VSNL1: variants seen among roughly 807,000 people sequenced by gnomAD.
VSNL1 encodes visinin like 1.
In VSNL1, 6 loss-of-function variants were observed where a neutral mutation model predicts 20.4. The observed-to-expected ratio is 0.29, with a 90% CI of 0.16 to 0.58. VSNL1 has a LOEUF of 0.58. Among genes scored for constraint, VSNL1 ranks in the 20% least tolerant of loss-of-function variants. The pLI is 0.90. For synonymous variants in VSNL1, 93 were observed against 86.4 expected (o/e 1.08, Z -0.42); for missense variants, 100 against 234.5 (o/e 0.43, Z 3.75).
intron 2 of VSNL1, among the ~76,000 whole-genome samples, chr2:17,596,855 T>G (rs936703996): frequency 1.3e-5 from 2 of 152,198 alleles, no homozygotes; most frequent in African/African-American, 4.8e-5. Context: ...GTGGAAATAA[T>G]AAGACCCGTT....
In VSNL1 at chr2:17,649,850, G is replaced by T. The variant is rs576792901; in HGVS notation, c.378+225G>T. Among the ~76,000 whole-genome samples, 1 of 152,194 alleles carries T rather than the reference G, an allele frequency of 6.6e-6. No homozygotes were observed. The highest frequency in any genetic ancestry group is 6.5e-5 in the Admixed American group (1 of 15,290). On this transcript the variant is annotated intron_variant, in intron 3 of 3. Coordinates refer to ENST00000295156, the MANE Select transcript of VSNL1 (RefSeq NM_003385.5). The surrounding 1 kb of genome is among the most constrained non-coding windows in gnomAD (Gnocchi z 6.4). ...TGTCGTGACGGTGGCATTGTCATCTGCCATTCACTCACTACTGGATCTCCC... is the reference window on the plus strand; with the variant it reads ...TGTCGTGACGGTGGCATTGTCATCTTCCATTCACTCACTACTGGATCTCCC...
intron 3 of VSNL1, among the ~76,000 whole-genome samples, chr2:17,654,267 T>C (rs189709396): frequency 5.3e-5 from 8 of 152,356 alleles, no homozygotes; most frequent in African/African-American, 1.9e-4. Context: ...GAATTAATTG[T>C]ATACAGTTAG....
intron 2 of VSNL1, among the ~76,000 whole-genome samples, chr2:17,604,776 G>A (rs1433048099): frequency 6.6e-6 from 1 of 152,198 alleles, no homozygotes; most frequent in Non-Finnish European, 1.5e-5. Flanking sequence ...GTGTTTTTAG[G>A]GACCAGTGCA....
chr2:17,557,079 C>T (rs1663700632), intron 1 of VSNL1, among the ~76,000 whole-genome samples: 1 of 151,946 alleles, frequency 6.6e-6, no homozygotes, highest in Admixed American at 6.6e-5. Flanking sequence ...CATCTCTTTG[C>T]CAAGGACTCT....
At chr2:17,651,814 CT>C (rs1275714469) in intron 3 of VSNL1, among the ~76,000 whole-genome samples, 1 of 152,194 alleles carries the variant, frequency 6.6e-6, no homozygotes, top group Non-Finnish European at 1.5e-5. Context: ...CATTTTCCTG[CT>C]TCGTGACACG....
chr2:17,579,315 CTG>C (rs1017473647), intron 1 of VSNL1, among the ~76,000 whole-genome samples: 2 of 152,108 alleles, frequency 1.3e-5, no homozygotes, highest in African/African-American at 4.8e-5. Context: ...CGGGGTTTCA[CTG>C]TGTTATCCAG....
intron 2 of VSNL1, among the ~76,000 whole-genome samples, chr2:17,622,459 C>G (rs1295495567): frequency 6.9e-6 from 1 of 145,568 alleles, no homozygotes; most frequent in East Asian, 2.0e-4. Flanking sequence ...GATCGCGCCA[C>G]TACACTCCAG....
chr2:17,544,072 A>T (rs1172730492), intron 1 of VSNL1, among the ~76,000 whole-genome samples: 1 of 152,200 alleles, frequency 6.6e-6, no homozygotes, highest in Non-Finnish European at 1.5e-5. Flanking sequence ...TTAGGAAAGG[A>T]GGAGCTTGAT....
chr2:17,585,635 G>A (rs1664453477), intron 1 of VSNL1, among the ~76,000 whole-genome samples: 1 of 151,784 alleles, frequency 6.6e-6, no homozygotes, highest in Admixed American at 6.6e-5. Flanking sequence ...GTGGGGGGAT[G>A]GGCTTCTCAT....
intron 2 of VSNL1, among the ~76,000 whole-genome samples, chr2:17,618,477 A>G (rs1450423537): frequency 6.6e-6 from 1 of 152,168 alleles, no homozygotes; most frequent in African/African-American, 2.4e-5. Context: ...GTTCATCTGG[A>G]TAATCCAGAA....
At chr2:17,605,974 T>C (rs919902452) in intron 2 of VSNL1, among the ~76,000 whole-genome samples, 1 of 152,380 alleles carries the variant, frequency 6.6e-6, no homozygotes, top group Middle Eastern at 3.4e-3. Context: ...CCAAGCACTC[T>C]GCATATATTA....
chr2:17,566,533 A>G (rs1663947865), intron 1 of VSNL1, among the ~76,000 whole-genome samples: 1 of 152,154 alleles, frequency 6.6e-6, no homozygotes, highest in South Asian at 2.1e-4. Flanking sequence ...ACTTATTCAC[A>G]GGCCTTGCCT....
rs191416138 is a variant in VSNL1 at position 17,626,289 on chromosome 2, C to T, written c.163-23121C>T. Among the ~76,000 whole-genome samples, 3 of 152,324 alleles carry T rather than the reference C, an allele frequency of 2.0e-5. No homozygotes were observed. In the East Asian group the frequency reaches 5.8e-4, roughly 29 times the overall value. ...AGTTCTGGCCGTAGCTAGCGAATCA[C>T]AGGCCACGTTCCCCTGAGGACTTGT... On this transcript the variant is annotated intron_variant, in intron 2 of 3. Transcript: ENST00000295156.
Position 17,591,713 on chromosome 2 carries a change from G to A in VSNL1, c.-5-357G>A, listed in dbSNP as rs1403718569. Among the ~76,000 whole-genome samples the A allele has an allele frequency of 2.0e-5, 3 of 152,022 alleles. No homozygotes were observed. The East Asian group carries it at 5.8e-4, about 29-fold the overall frequency. ...TAAATGTAGAGTTAAACACCTGGGA[G>A]GCAAGTGTTAATAAAGTGTAATTTG... On this transcript the variant is annotated intron_variant, in intron 1 of 3. Transcript: ENST00000295156.
At chr2:17,559,008 G>C (rs1254851437) in intron 1 of VSNL1, among the ~76,000 whole-genome samples, 1 of 152,012 alleles carries the variant, frequency 6.6e-6, no homozygotes, top group Non-Finnish European at 1.5e-5. Flanking sequence ...CCAGAACCTA[G>C]ACTTCTCAGG....
At chr2:17,630,654 C>T (rs1355661058) in intron 2 of VSNL1, among the ~76,000 whole-genome samples, 1 of 152,126 alleles carries the variant, frequency 6.6e-6, no homozygotes, top group Non-Finnish European at 1.5e-5. Context: ...ATTTTATAAG[C>T]TTGCAATAAT....
intron 2 of VSNL1, among the ~76,000 whole-genome samples, chr2:17,644,227 G>C (rs1019675995): frequency 6.6e-6 from 1 of 152,200 alleles, no homozygotes; most frequent in Non-Finnish European, 1.5e-5. Context: ...AAGGCATATG[G>C]TCAGCATCTA....
intron 1 of VSNL1, among the ~76,000 whole-genome samples, chr2:17,584,533 C>G (rs1308027052): frequency 6.6e-6 from 1 of 152,102 alleles, no homozygotes; most frequent in Non-Finnish European, 1.5e-5. Context: ...AGCCAAAGAC[C>G]AATGTCCGCT....
At chr2:17,622,959 C>G (rs537349689) in intron 2 of VSNL1, among the ~76,000 whole-genome samples, 1 of 149,508 alleles carries the variant, frequency 6.7e-6, no homozygotes, top group Non-Finnish European at 1.5e-5. Flanking sequence ...GGCAGGTTCC[C>G]TCATCTACAC....
Sources: gnomAD v4.1 joint callset for allele counts (sites outside exome capture counted in the v4.1 genomes callset) on GRCh38, gnomAD v4.1.1 for gene constraint, Gnocchi (gnomAD v3.1) non-coding constraint, MANE v1.5 for transcripts, NCBI Gene and HGNC (gene_info 2026-07-23, HGNC 2026-07-21) for gene names.